BAZ2B: variants seen among roughly 807,000 people sequenced by gnomAD.
BAZ2B encodes the protein bromodomain adjacent to zinc finger domain protein 2B.
In BAZ2B, 91 loss-of-function variants were observed where a neutral mutation model predicts 246.0. The ratio of observed to expected loss-of-function variants is 0.37; its 90% CI spans 0.31 to 0.44. BAZ2B has a LOEUF of 0.44. Ranked by LOEUF, BAZ2B falls within the 20% of genes least tolerant of loss-of-function variation. The pLI is 1.00. For missense variants in BAZ2B, 2,332 were observed against 2,533.7 expected (o/e 0.92, Z 1.71); for synonymous variants, 855 against 860.0 (o/e 0.99, Z 0.10).
At chr2:159,682,974 T>C in the BAZ2B span, among the ~76,000 whole-genome samples, 1 of 150,896 alleles carries the variant, frequency 6.6e-6, no homozygotes, top group Non-Finnish European at 1.5e-5. Flanking sequence ...TCACCTTTTT[T>C]TTTTCTTTTT....
At chr2:159,478,843 G>T in intron 2 of BAZ2B, 122 bp from the exon 3 acceptor site, 1 of 711,866 alleles carries the variant, frequency 1.4e-6, no homozygotes, top group Non-Finnish European at 2.0e-6. Context: ...ATGTTCTTTG[G>T]AAAGAGAAAA....
chr2:159,436,308 T>A (rs1375299292), intron 8 of BAZ2B, among the ~76,000 whole-genome samples: 1 of 152,204 alleles, frequency 6.6e-6, no homozygotes, highest in African/African-American at 2.4e-5. Context: ...AATAAGTTTT[T>A]AAAAATAGCC....
the BAZ2B span, among the ~76,000 whole-genome samples, chr2:159,681,672 T>G: frequency 6.6e-6 from 1 of 152,208 alleles, no homozygotes; most frequent in Non-Finnish European, 1.5e-5. Context: ...GGCTCACGCC[T>G]GTAATCCCAG....
intron 13 of BAZ2B, among the ~76,000 whole-genome samples, chr2:159,421,116 T>C (rs2068663551): frequency 6.6e-6 from 1 of 152,026 alleles, no homozygotes; most frequent in South Asian, 2.1e-4. Flanking sequence ...TGGACCAAAA[T>C]AAATAAAACT....
chr2:159,557,509 G>A (rs1163993417), intron 1 of BAZ2B, among the ~76,000 whole-genome samples: 1 of 152,050 alleles, frequency 6.6e-6, no homozygotes. Context: ...TATCAAATTT[G>A]TTCCACTTCA....
intron 27 of BAZ2B, among the ~76,000 whole-genome samples, chr2:159,370,212 C>T (rs1239855230): frequency 1.3e-5 from 2 of 151,944 alleles, no homozygotes; most frequent in Non-Finnish European, 2.9e-5. Context: ...GGAGATATAC[C>T]TAATGTAAAT....
intron 2 of BAZ2B, among the ~76,000 whole-genome samples, chr2:159,496,913 T>G (rs1228083472): frequency 6.6e-6 from 1 of 152,014 alleles, no homozygotes; most frequent in Non-Finnish European, 1.5e-5. Flanking sequence ...TTGCCTCTTG[T>G]GTTGAAATAG....
the BAZ2B span, among the ~76,000 whole-genome samples, chr2:159,645,934 G>A: frequency 6.6e-6 from 1 of 152,096 alleles, no homozygotes; most frequent in African/African-American, 2.4e-5. Flanking sequence ...CAAGATCACA[G>A]GACCACAGGA....
At chr2:159,474,169 C>G (rs185255248) in intron 3 of BAZ2B, among the ~76,000 whole-genome samples, 21 of 152,192 alleles carry the variant, frequency 1.4e-4, no homozygotes, top group African/African-American at 5.1e-4. Flanking sequence ...TTTAAGTCAT[C>G]CACTGTTACT....
chr2:159,701,154 A>G, the BAZ2B span, among the ~76,000 whole-genome samples: 1 of 152,214 alleles, frequency 6.6e-6, no homozygotes, highest in East Asian at 1.9e-4. Flanking sequence ...TGGAAATAAA[A>G]AAGTTTTAAT....
chr2:159,505,586 T>A (rs1319447141), intron 2 of BAZ2B, among the ~76,000 whole-genome samples: 1 of 152,088 alleles, frequency 6.6e-6, no homozygotes, highest in Non-Finnish European at 1.5e-5. Context: ...ATATTAAAGA[T>A]GCTATAAGAC....
chr2:159,592,177 T>C (rs765705877), intron 1 of BAZ2B, among the ~76,000 whole-genome samples: 41 of 152,098 alleles, frequency 2.7e-4, no homozygotes, highest in Non-Finnish European at 5.1e-4. Context: ...TCTGTTAATA[T>C]GAATCTTTCA....
At chr2:159,605,180 A>G (rs991685276) in intron 1 of BAZ2B, among the ~76,000 whole-genome samples, 15 of 151,266 alleles carry the variant, frequency 9.9e-5, no homozygotes, top group African/African-American at 3.6e-4. Flanking sequence ...GGTGCATGCC[A>G]CCACACCCAG....
At chr2:159,406,529 C>A (rs1313785567) in intron 14 of BAZ2B, among the ~76,000 whole-genome samples, 1 of 152,170 alleles carries the variant, frequency 6.6e-6, no homozygotes, top group East Asian at 1.9e-4. Context: ...CAAACTTGGT[C>A]TGAATACTTC....
intron 25 of BAZ2B, among the ~76,000 whole-genome samples, chr2:159,379,635 G>C (rs1394857925): frequency 6.6e-6 from 1 of 152,020 alleles, no homozygotes; most frequent in Admixed American, 6.5e-5. Context: ...GAATTATGTA[G>C]CATATTATAA....
chr2:159,394,838 G>T (rs1559244801), intron 20 of BAZ2B, among the ~76,000 whole-genome samples: 1 of 152,042 alleles, frequency 6.6e-6, no homozygotes, highest in Non-Finnish European at 1.5e-5. Context: ...ACATGCCCAA[G>T]GTCATATAGC....
At chr2:159,540,764 T>TA (rs1458882056) in intron 2 of BAZ2B, among the ~76,000 whole-genome samples, 3 of 152,204 alleles carry the variant, frequency 2.0e-5, no homozygotes, top group African/African-American at 4.8e-5. Flanking sequence ...CTATCTGGTA[T>TA]ATAAGTACCT....
chr2:159,595,107 A>AC (rs1380375563), intron 1 of BAZ2B, among the ~76,000 whole-genome samples: 1 of 117,756 alleles, frequency 8.5e-6, no homozygotes, highest in Non-Finnish European at 1.8e-5. Flanking sequence ...TTAAACATAT[A>AC]CTTTTTTTTT....
intron 2 of BAZ2B, among the ~76,000 whole-genome samples, chr2:159,499,368 T>C (rs182732758): frequency 1.9e-3 from 287 of 152,340 alleles, no homozygotes; most frequent in Middle Eastern, 3.4e-3. Context: ...ATTCCTTTTA[T>C]GGCTGCATAG....
Sources: gnomAD v4.1 joint callset for allele counts (sites outside exome capture counted in the v4.1 genomes callset) on GRCh38, gnomAD v4.1.1 for gene constraint, MANE v1.5 for transcripts, NCBI Gene and HGNC (gene_info 2026-07-23, HGNC 2026-07-21) for gene names.